The following CSMD1 variants were observed in gnomAD, a reference collection of about 807,000 sequenced individuals.
CSMD1 encodes CUB and sushi domain-containing protein 1.
CSMD1 carries 213 observed loss-of-function variants against 417.5 expected under a neutral mutation model. The ratio of observed to expected loss-of-function variants is 0.51; its 90% CI spans 0.46 to 0.57. CSMD1 has a LOEUF of 0.57. CSMD1 is among the 20% of genes least tolerant of loss of function. The pLI, the probability that CSMD1 is intolerant of heterozygous loss-of-function variation, is 0.00. For synonymous variants in CSMD1, 2,862 were observed against 1,736.8 expected, an observed-to-expected ratio of 1.65 and a Z score of -16.11; for missense variants, 6,923 against 4,529.7, an observed-to-expected ratio of 1.53 and a Z score of -15.17.
chr8:3,332,482 G>C (rs113572947), intron 23 of CSMD1, among the ~76,000 whole-genome samples: 1 of 152,168 alleles, frequency 6.6e-6, no homozygotes, highest in African/African-American at 2.4e-5. Context: ...AGGGAAGATC[G>C]AGGCACATAA....
intron 3 of CSMD1, among the ~76,000 whole-genome samples, chr8:4,077,802 C>G (rs1023660955): frequency 6.6e-6 from 1 of 152,192 alleles, no homozygotes; most frequent in Admixed American, 6.5e-5. Context: ...GTTGTTCTCA[C>G]TCTGTTCCAT....
rs182425997 is a variant in CSMD1 at position 3,018,643 on chromosome 8, C to A, written c.7863G>T (p.Ser2621=). The A allele has an allele frequency of 2.5e-6, 4 of 1,611,382 alleles. No individual in the cohort carries two copies. Among genetic ancestry groups the A allele is most frequent in the South Asian group, 2.2e-5 (2 of 90,922 alleles). ...GDERPSCRVI[S]CGSLSFPPNG... Reference sequence around the variant, plus strand: ...TTGGGGGAAAGGAAAGGCTTCCACACGAGATAACTAGAAGGAAAAACAATA... The same window carrying A: ...TTGGGGGAAAGGAAAGGCTTCCACAAGAGATAACTAGAAGGAAAAACAATA... The change falls in exon 52 of 70, where the codon TCG becomes TCT. Residue 2621 remains serine, a synonymous_variant. Transcript: ENST00000635120.
intron 5 of CSMD1, among the ~76,000 whole-genome samples, chr8:3,792,188 G>A (rs1799787572): frequency 6.6e-6 from 1 of 152,184 alleles, no homozygotes; most frequent in South Asian, 2.1e-4. Context: ...CAGCTACAGG[G>A]GAGGCTGAGA....
chr8:3,502,004 A>T (rs1293053283), intron 10 of CSMD1, among the ~76,000 whole-genome samples: 1 of 152,300 alleles, frequency 6.6e-6, no homozygotes, highest in Middle Eastern at 3.4e-3. Flanking sequence ...ACTTTGGAAG[A>T]TACTTTGGAA....
intron 1 of CSMD1, among the ~76,000 whole-genome samples, chr8:4,833,594 G>A (rs972799769): frequency 2.6e-5 from 4 of 152,182 alleles, no homozygotes; most frequent in Admixed American, 6.5e-5. Context: ...TGGAGCACAC[G>A]ATTTTTGAAA....
intron 1 of CSMD1, among the ~76,000 whole-genome samples, chr8:4,952,589 T>A (rs1199494809): frequency 6.6e-6 from 1 of 152,078 alleles, no homozygotes; most frequent in Non-Finnish European, 1.5e-5. Context: ...CACTATGATT[T>A]TGTATTTAAT....
chr8:4,291,918 C>A (rs919853926), intron 3 of CSMD1, among the ~76,000 whole-genome samples: 1 of 152,154 alleles, frequency 6.6e-6, no homozygotes, highest in East Asian at 1.9e-4. Context: ...GGAACAGAAC[C>A]TTCTGCCCTA....
intron 21 of CSMD1, among the ~76,000 whole-genome samples, chr8:3,353,553 G>A (rs1173807604): frequency 6.6e-6 from 1 of 152,190 alleles, no homozygotes; most frequent in Non-Finnish European, 1.5e-5. Context: ...AGACCCTGGG[G>A]CAGTATCCCG....
At chr8:3,205,384 C>T in intron 31 of CSMD1, 120 bp downstream of exon 31, 1 of 589,186 alleles carries the variant, frequency 1.7e-6, no homozygotes, top group South Asian at 2.1e-5. Context: ...TTAAATGCAA[C>T]TCATTTGCTT....
In CSMD1 at chr8:4,994,797, A is replaced by T; in HGVS notation, c.-381T>A. The T allele has an allele frequency of 5.3e-6, 1 of 188,788 alleles. No individual in the cohort carries two copies. Among genetic ancestry groups the T allele is most frequent in the Non-Finnish European group, 1.1e-5 (1 of 94,854 alleles). The allele number at this position is 188,788 out of a possible 1,614,324, so 11.7% of individuals were successfully genotyped here. On this transcript the variant is annotated 5_prime_UTR_variant, in exon 1 of 70. Coordinates refer to ENST00000635120, the MANE Select transcript of CSMD1 (RefSeq NM_033225.6). ...AGAGGAGGCAGCTGGAGAGAGAGCC[A>T]GCGAGTGGGAGATGCGGGGAGGGGG...
intron 23 of CSMD1, among the ~76,000 whole-genome samples, chr8:3,309,232 G>T (rs1042085724): frequency 1.3e-5 from 2 of 152,070 alleles, no homozygotes; most frequent in Admixed American, 6.6e-5. Flanking sequence ...GCAGAATCCT[G>T]ACAGCCAGCA....
intron 5 of CSMD1, among the ~76,000 whole-genome samples, chr8:3,831,472 T>C (rs1200817535): frequency 1.3e-5 from 2 of 152,156 alleles, no homozygotes; most frequent in African/African-American, 4.8e-5. Flanking sequence ...ATAAACATGA[T>C]ATTGAGGTAC....
intron 1 of CSMD1, among the ~76,000 whole-genome samples, chr8:4,685,166 A>G (rs1806292793): frequency 6.6e-6 from 1 of 152,266 alleles, no homozygotes; most frequent in Non-Finnish European, 1.5e-5. Flanking sequence ...AACAAACATA[A>G]TGGACAAGAA....
At chr8:3,347,166 G>C (rs553852378) in intron 22 of CSMD1, among the ~76,000 whole-genome samples, 1 of 152,332 alleles carries the variant, frequency 6.6e-6, no homozygotes, top group South Asian at 2.1e-4. Flanking sequence ...GGCCGCATGT[G>C]GCCTGTGGGC....
intron 1 of CSMD1, among the ~76,000 whole-genome samples, chr8:4,764,889 A>AAAAACAAAACAAAC (rs1563326914): frequency 2.5e-5 from 1 of 39,994 alleles, no homozygotes; most frequent in African/African-American, 9.3e-5. Context: ...AAAAAAAAAA[A>AAAAACAAAACAAAC]AAAAACAACA....
At chr8:3,909,367 G>C (rs182569481) in intron 5 of CSMD1, among the ~76,000 whole-genome samples, 43 of 152,194 alleles carry the variant, frequency 2.8e-4, no homozygotes, top group African/African-American at 8.2e-4. Context: ...ACTCACATTC[G>C]TCAGGAGGAA....
At chr8:4,449,782 T>G (rs1423047509) in intron 2 of CSMD1, among the ~76,000 whole-genome samples, 3 of 152,018 alleles carry the variant, frequency 2.0e-5, no homozygotes, top group African/African-American at 7.2e-5. Flanking sequence ...GCAGCTATGT[T>G]TGGGCATTTT....
At chr8:3,495,290 C>A (rs897632527) in intron 10 of CSMD1, among the ~76,000 whole-genome samples, 6 of 152,248 alleles carry the variant, frequency 3.9e-5, no homozygotes, top group Admixed American at 6.5e-5. Flanking sequence ...ATCACTGAGA[C>A]CTGCTGGTTT....
intron 5 of CSMD1, among the ~76,000 whole-genome samples, chr8:3,776,807 G>GATATATATATATATAT (rs151060171): frequency 0.025 from 3,530 of 139,728 alleles, 97 homozygotes; most frequent in Middle Eastern, 0.032. Context: ...ATATAGACGA[G>GATATATATATATATAT]ATATATATAT....
Sources: allele counts gnomAD v4.1 joint callset (sites outside exome capture counted in the v4.1 genomes callset), GRCh38; gene constraint gnomAD v4.1.1; transcripts MANE v1.5; gene names NCBI Gene and HGNC (gene_info 2026-07-23, HGNC 2026-07-21).